ALG11: variants seen among roughly 807,000 people sequenced by gnomAD.
ALG11 encodes GDP-Man:Man(3)GlcNAc(2)-PP-Dol alpha-1,2-mannosyltransferase.
A neutral mutation model predicts 38.8 loss-of-function variants in ALG11; 26 were observed. The observed-to-expected ratio is 0.67, with a 90% CI of 0.49 to 0.93. ALG11 has a LOEUF of 0.93. ALG11 is among the 40% of genes least tolerant of loss of function. The pLI, the probability that ALG11 is intolerant of heterozygous loss-of-function variation, is 0.00. For synonymous variants in ALG11, 199 were observed against 211.6 expected (o/e 0.94, Z 0.52); for missense variants, 535 against 578.8 (o/e 0.92, Z 0.78).
chr13:52,033,200 T>C lies in ALG11; in HGVS notation c.*4610T>C, dbSNP rs1954322366. 6.0e-6 allele frequency: 1 copy of C among 167,090 alleles called. No individual in the cohort carries two copies. The highest frequency in any genetic ancestry group is 1.5e-5 in the Non-Finnish European group (1 of 68,116). The allele number at this position is 167,090 out of a possible 1,614,324, so 10.4% of individuals were successfully genotyped here. On this transcript the variant is annotated 3_prime_UTR_variant, in exon 4 of 4. Transcript: ENST00000521508. ...AAAAGTGTCAAAGTGGTTTGTCCGC[T>C]AGCGTCTGTCTGCAGAACTTTCAGG...
chr13:52,032,567 G>A lies in ALG11; in HGVS notation c.*3977G>A, dbSNP rs1954316303. 3 of 167,026 alleles carry A rather than the reference G, an allele frequency of 1.8e-5. No homozygotes were observed. The highest frequency in any genetic ancestry group is 4.4e-5 in the Non-Finnish European group (3 of 68,128). 10.3% of individuals were successfully genotyped at this position (167,026 alleles called of 1,614,324 possible). A position where few individuals can be genotyped will look rare whatever the true frequency, so the allele number is the denominator to read the frequency against. ...TGAAACGGTATATTATTTCTTTGCA[G>A]TCTCCTCTCAGTCATTCATCAATGT... On this transcript the variant is annotated 3_prime_UTR_variant, in exon 4 of 4. Transcript: ENST00000521508.
rs1422971214 is a variant in ALG11, at chr13:52,031,676, A to G, written c.*3086A>G. 1 of 168,294 alleles carries G rather than the reference A, an allele frequency of 5.9e-6. No individual in the cohort carries two copies. The highest frequency in any genetic ancestry group is 1.5e-5 in the Non-Finnish European group (1 of 68,958). The allele number at this position is 168,294 out of a possible 1,614,324, so 10.4% of individuals were successfully genotyped here. A position where few individuals can be genotyped will look rare whatever the true frequency, so the allele number is the denominator to read the frequency against. On this transcript the variant is annotated 3_prime_UTR_variant, in exon 4 of 4. Coordinates refer to ENST00000521508, the MANE Select transcript of ALG11 (RefSeq NM_001004127.3). The stretch of plus-strand genomic sequence containing the variant: ...TGATATACAGATACATCCACAGGGT[A>G]TCTATTACCAGCATAATGCATTGTA...
rs769569896 is a variant in ALG11 at position 52,024,528 on chromosome 13, C to T, written c.798C>T (p.Leu266=). 9.9e-6 allele frequency: 16 copies of T among 1,614,228 alleles called. No individual in the cohort carries two copies. Among genetic ancestry groups the T allele is most frequent in the Non-Finnish European group, 1.4e-5 (16 of 1,180,048 alleles). The part of the protein sequence containing the change: ...VNSSWTLNHI[L]SLWKVGNCTN... The stretch of plus-strand genomic sequence containing the variant: ...CTTCTTGGACACTAAACCATATTCT[C>T]TCACTATGGAAAGTTGGGAATTGCA... Residue 266 remains leucine, a synonymous_variant, in exon 3 of 4, where the codon CTC becomes CTT. Coordinates refer to ENST00000521508, the MANE Select transcript of ALG11 (RefSeq NM_001004127.3).
intron 1 of ALG11, among the ~76,000 whole-genome samples, chr13:52,013,960 G>C (rs2408544): frequency 0.41 from 61,771 of 152,086 alleles, 14,330 homozygotes; most frequent in Non-Finnish European, 0.52. Context: ...TTAATTAACA[G>C]TGTGAAAAGG....
chr13:52,024,219 T>G lies in ALG11; in HGVS notation c.489T>G (p.Ala163=). The change falls in exon 3 of 4, where the codon GCT becomes GCG. Residue 163 remains alanine, a synonymous_variant. Transcript: ENST00000521508. The part of the protein sequence containing the change: ...SLGSIFLGWE[A]LMQCVPDVYI... ...GATCCATTTTTCTTGGCTGGGAAGC[T>G]CTAATGCAGTGTGTTCCTGATGTTT... 1 of 1,614,164 alleles carries G rather than the reference T, an allele frequency of 6.2e-7. No homozygotes were observed. The highest frequency in any genetic ancestry group is 1.1e-5 in the South Asian group (1 of 91,082).
In ALG11 at chr13:52,029,909, G is replaced by A. The variant is rs373916712; in HGVS notation, c.*1319G>A. 1.2e-5 allele frequency: 19 copies of A among 1,614,062 alleles called. No homozygotes were observed. The highest frequency in any genetic ancestry group is 4.0e-5 in the African/African-American group (3 of 74,926). On this transcript the variant is annotated 3_prime_UTR_variant, in exon 4 of 4. Transcript: ENST00000521508. ...GAATGAAGTGCAGATGAATGTGGACGGACCGAATCCCTGGATGTTCAGGAG... is the reference window on the plus strand; with the variant it reads ...GAATGAAGTGCAGATGAATGTGGACAGACCGAATCCCTGGATGTTCAGGAG...
intron 1 of ALG11, chr13:52,016,307 GTAGAAA>G (rs1246097926): frequency 6.6e-6 from 1 of 152,228 alleles, no homozygotes; most frequent in African/African-American, 2.4e-5. Context: ...TGACAATGCA[GTAGAAA>G]AGAAAGACCC....
intron 3 of ALG11, among the ~76,000 whole-genome samples, chr13:52,026,200 G>T (rs116389781): frequency 6.6e-6 from 1 of 152,214 alleles, no homozygotes. Flanking sequence ...CCAAGGAAAT[G>T]ATGTGACACT....
In ALG11 at chr13:52,024,730, C is replaced by A. The variant is rs1051308050; in HGVS notation, c.1000C>A (p.Pro334Thr). Residue 334 changes from proline (P) to threonine (T), a missense_variant, in exon 3 of 4, where the codon CCT becomes ACT. Pro to Thr is a conservative substitution (Grantham distance 38). Coordinates refer to ENST00000521508, the MANE Select transcript of ALG11 (RefSeq NM_001004127.3). ...KLLNKKMVESPPSLKLVLIGG... is the reference protein window; with the variant it reads ...KLLNKKMVESTPSLKLVLIGG... ...GCTGAATAAGAAGATGGTTGAGTCA[C>A]CTCCTTCGCTTAAACTTGTCCTCAT... The A allele has an allele frequency of 1.2e-6, 2 of 1,614,202 alleles. No homozygotes were observed.
At chr13:52,021,892 T>G (rs1026185388) in intron 2 of ALG11, 1 of 152,204 alleles carries the variant, frequency 6.6e-6, no homozygotes, top group Non-Finnish European at 1.5e-5. Context: ...AGCTGTCTTC[T>G]CCTAGCATGA....
chr13:52,028,804 G>C lies in ALG11; in HGVS notation c.*214G>C. On this transcript the variant is annotated 3_prime_UTR_variant, in exon 4 of 4. Transcript: ENST00000521508. ...ATACATGAGAGAGGCTGGCTGCTGA[G>C]ATGAATGTGAACCAGGTTGCAGAGA... 6.2e-7 allele frequency: 1 copy of C among 1,614,254 alleles called. No individual in the cohort carries two copies.
chr13:52,022,010 G>A (rs1340990743), intron 2 of ALG11: 1 of 152,298 alleles, frequency 6.6e-6, no homozygotes, highest in Non-Finnish European at 1.5e-5. Context: ...TAGTCACAGA[G>A]CCAGGTGTTA....
chr13:52,015,091 A>C (rs1369720875), intron 1 of ALG11, among the ~76,000 whole-genome samples: 2 of 152,206 alleles, frequency 1.3e-5, no homozygotes, highest in Non-Finnish European at 2.9e-5. Context: ...CTTTATGTCA[A>C]AACTAAATAT....
At chr13:52,021,904 C>T (rs555817580) in intron 2 of ALG11, 1 of 152,344 alleles carries the variant, frequency 6.6e-6, no homozygotes, top group Non-Finnish European at 1.5e-5. Context: ...CTAGCATGAG[C>T]ATTCCAGGAG....
At chr13:52,014,963 T>G (rs959923766) in intron 1 of ALG11, among the ~76,000 whole-genome samples, 1 of 152,224 alleles carries the variant, frequency 6.6e-6, no homozygotes, top group Non-Finnish European at 1.5e-5. Context: ...AGTGCTCATG[T>G]GGGATTTCAA....
intron 3 of ALG11, among the ~76,000 whole-genome samples, chr13:52,027,084 T>C (rs577625239): frequency 6.6e-6 from 1 of 152,152 alleles, no homozygotes; most frequent in East Asian, 1.9e-4. Context: ...GCCCAGATGC[T>C]GGGGAAGGTA....
At position 52,029,898 on chromosome 13, in the gene ALG11, T is replaced by A; in HGVS notation, c.*1308T>A. 6.2e-7 allele frequency: 1 copy of A among 1,614,166 alleles called. No homozygotes were observed. Among genetic ancestry groups the A allele is most frequent in the Non-Finnish European group, 8.5e-7 (1 of 1,180,024 alleles). The stretch of plus-strand genomic sequence containing the variant: ...CCTCATGTAGCGAATGAAGTGCAGA[T>A]GAATGTGGACGGACCGAATCCCTGG... On this transcript the variant is annotated 3_prime_UTR_variant, in exon 4 of 4. Coordinates refer to ENST00000521508, the MANE Select transcript of ALG11 (RefSeq NM_001004127.3).
chr13:52,013,590 A>C (rs1197598006), intron 1 of ALG11, among the ~76,000 whole-genome samples: 1 of 152,226 alleles, frequency 6.6e-6, no homozygotes, highest in Non-Finnish European at 1.5e-5. Flanking sequence ...GAATTTTCCC[A>C]CCTAAATTAT....
rs748887500 is a variant in ALG11 at position 52,031,073 on chromosome 13, A to G, written c.*2483A>G. ...CATACAGAGGAATCCAAAACGAATC[A>G]CCACACGTCACAATAAAGAAGAAAA... On this transcript the variant is annotated 3_prime_UTR_variant, in exon 4 of 4. Transcript: ENST00000521508. The G allele has an allele frequency of 8.1e-6, 13 of 1,613,502 alleles. No homozygotes were observed. The Admixed American group carries it at 1.3e-4, about 17-fold the overall frequency.
Sources: allele counts gnomAD v4.1 joint callset (sites outside exome capture counted in the v4.1 genomes callset), GRCh38; gene constraint gnomAD v4.1.1; transcripts MANE v1.5; gene names NCBI Gene and HGNC (gene_info 2026-07-23, HGNC 2026-07-21).